The following MICALL1 variants were observed in gnomAD, a reference collection of about 807,000 sequenced individuals.
MICALL1 encodes MICAL like 1.
MICALL1 carries 61 observed loss-of-function variants against 83.7 expected under a neutral mutation model. That is an observed-to-expected ratio of 0.73 (90% CI 0.59 to 0.90). The LOEUF (loss-of-function observed/expected upper bound fraction) is 0.90. MICALL1 is among the 40% of genes least tolerant of loss of function. The pLI is 0.00. For synonymous variants in MICALL1, 481 were observed against 473.6 expected (o/e 1.02, Z -0.20); for missense variants, 1,066 against 1,152.0 (o/e 0.93, Z 1.08).
intron 13 of MICALL1, among the ~76,000 whole-genome samples, chr22:37,936,390 C>T (rs1471792629): frequency 6.6e-6 from 1 of 152,244 alleles, no homozygotes; most frequent in Non-Finnish European, 1.5e-5. Flanking sequence ...CCCTGCCCCA[C>T]TCTGTCCCTC....
At chr22:37,910,316 G>C (rs565341735) in intron 1 of MICALL1, among the ~76,000 whole-genome samples, 1 of 152,240 alleles carries the variant, frequency 6.6e-6, no homozygotes, top group South Asian at 2.1e-4. Context: ...AGAGTAGCTA[G>C]AATGTGACCC....
intron 5 of MICALL1, among the ~76,000 whole-genome samples, chr22:37,919,635 CAAAAAA>C (rs34083064): frequency 1.7e-5 from 1 of 59,706 alleles, no homozygotes. Flanking sequence ...GACTCTGTCT[CAAAAAA>C]AAAAAAAAAA....
At chr22:37,915,217 A>T (rs1263450641) in intron 3 of MICALL1, among the ~76,000 whole-genome samples, 1 of 152,194 alleles carries the variant, frequency 6.6e-6, no homozygotes, top group Non-Finnish European at 1.5e-5. Flanking sequence ...ACGCCAGTGC[A>T]CTGCAGCCTG....
chr22:37,935,729 CTTTTTTT>C (rs558695275), intron 13 of MICALL1, among the ~76,000 whole-genome samples: 1 of 126,338 alleles, frequency 7.9e-6, no homozygotes, highest in Admixed American at 8.0e-5. Context: ...AGGATATTTA[CTTTTTTT>C]TTTTTTTTTT....
chr22:37,910,376 A>G (rs972802212), intron 1 of MICALL1, among the ~76,000 whole-genome samples: 8 of 152,078 alleles, frequency 5.3e-5, no homozygotes, highest in South Asian at 4.1e-4. Context: ...GGCTGAGACA[A>G]GTTGCTTTTG....
intron 1 of MICALL1, among the ~76,000 whole-genome samples, chr22:37,909,905 G>A (rs1020931531): frequency 1.3e-5 from 2 of 152,242 alleles, no homozygotes; most frequent in Non-Finnish European, 2.9e-5. Flanking sequence ...TCCTAAATTG[G>A]TTCAGGCTTC....
chr22:37,920,904 C>T (rs1338830951), intron 5 of MICALL1, among the ~76,000 whole-genome samples: 3 of 151,174 alleles, frequency 2.0e-5, no homozygotes, highest in Non-Finnish European at 2.9e-5. Context: ...CCGGCCTGGG[C>T]GACAGACTGA....
At chr22:37,915,481 C>T (rs1233916447) in intron 3 of MICALL1, among the ~76,000 whole-genome samples, 1 of 152,104 alleles carries the variant, frequency 6.6e-6, no homozygotes, top group Admixed American at 6.6e-5. Flanking sequence ...AATTTTCACT[C>T]TGCCATTTCC....
rs1282417907 is a variant in MICALL1 at position 37,924,923 on chromosome 22, G to T, written c.1082+206G>T. On this transcript the variant is annotated intron_variant, in intron 7 of 15. Transcript: ENST00000215957. The surrounding 1 kb of genome is among the most constrained non-coding windows in gnomAD (Gnocchi z 5.2). ...TGCCTGGCCCCCTCCCCAGGTCCCT[G>T]CTCCTGTGGGCAGTGCCCGGTGCAG... Among the ~76,000 whole-genome samples, 1 of 152,300 alleles carries T rather than the reference G, an allele frequency of 6.6e-6. No homozygotes were observed.
At chr22:37,908,744 G>C (rs752243681) in intron 1 of MICALL1, among the ~76,000 whole-genome samples, 1 of 152,230 alleles carries the variant, frequency 6.6e-6, no homozygotes, top group African/African-American at 2.4e-5. Context: ...TAGGGGAAAC[G>C]TGTATAAACG....
intron 6 of MICALL1, among the ~76,000 whole-genome samples, chr22:37,922,864 C>G (rs1929181976): frequency 6.8e-6 from 1 of 147,512 alleles, no homozygotes; most frequent in Non-Finnish European, 1.5e-5. Flanking sequence ...TGTTGAACTC[C>G]CTACCTCAGG....
At chr22:37,937,935 G>A in intron 15 of MICALL1, 143 bp downstream of exon 15, 1 of 1,030,474 alleles carries the variant, frequency 9.7e-7, no homozygotes. Flanking sequence ...GTTGTGCAGA[G>A]AGGGCTGTGT....
chr22:37,910,426 G>A lies in MICALL1; in HGVS notation c.147-1526G>A, dbSNP rs559533575. ...GGAAAAAGCCTCTGTTGGGGGCTGG[G>A]TACCATGGTGTTTTCCTCGCCCTGT... On this transcript the variant is annotated intron_variant, in intron 1 of 15. Coordinates refer to ENST00000215957, the MANE Select transcript of MICALL1 (RefSeq NM_033386.4). Among the ~76,000 whole-genome samples the A allele has an allele frequency of 2.9e-4, 44 of 152,194 alleles. 1 individual carries two copies. Among genetic ancestry groups the A allele is most frequent in the Middle Eastern group, 6.8e-3 (2 of 294 alleles).
intron 9 of MICALL1, among the ~76,000 whole-genome samples, chr22:37,929,609 C>A (rs975578006): frequency 1.3e-5 from 2 of 152,038 alleles, no homozygotes; most frequent in African/African-American, 4.8e-5. Flanking sequence ...TGGCTGGGCA[C>A]CCATCCAGGC....
At chr22:37,920,899 C>G (rs1025594310) in intron 5 of MICALL1, among the ~76,000 whole-genome samples, 2 of 151,846 alleles carry the variant, frequency 1.3e-5, no homozygotes, top group Non-Finnish European at 2.9e-5. Flanking sequence ...GCACTCCGGC[C>G]TGGGCGACAG....
At chr22:37,929,462 CA>C (rs1308832244) in intron 9 of MICALL1, among the ~76,000 whole-genome samples, 15 of 152,182 alleles carry the variant, frequency 9.9e-5, no homozygotes, top group African/African-American at 3.6e-4. Flanking sequence ...GGACCCAGGA[CA>C]CACAGCTTTC....
At chr22:37,914,288 G>A (rs545854501) in intron 3 of MICALL1, among the ~76,000 whole-genome samples, 20 of 148,922 alleles carry the variant, frequency 1.3e-4, no homozygotes, top group African/African-American at 3.7e-4. Flanking sequence ...GTGCAATGGC[G>A]CGGTCTCAGC....
At chr22:37,929,997 G>A (rs937244946) in intron 9 of MICALL1, among the ~76,000 whole-genome samples, 1 of 152,228 alleles carries the variant, frequency 6.6e-6, no homozygotes, top group African/African-American at 2.4e-5. Context: ...TGGGCCTCGG[G>A]CTCCCACAGA....
Position 37,937,809 on chromosome 22 carries a change from G to A in MICALL1, c.2470+17G>A. On this transcript the variant is annotated intron_variant, in intron 15 of 15. Transcript: ENST00000215957. Reference sequence around the variant, plus strand: ...AGAAGAAAGGTGAGGCCCTTGCTGGGGATGAGGCTGGTGAGCACTTGAACT... The same window carrying A: ...AGAAGAAAGGTGAGGCCCTTGCTGGAGATGAGGCTGGTGAGCACTTGAACT... 1.9e-6 allele frequency: 3 copies of A among 1,613,110 alleles called. No individual in the cohort carries two copies. The highest frequency in any genetic ancestry group is 1.7e-4 in the Middle Eastern group (1 of 6,058).
Sources: gnomAD v4.1 joint callset for allele counts (sites outside exome capture counted in the v4.1 genomes callset) on GRCh38, gnomAD v4.1.1 for gene constraint, Gnocchi (gnomAD v3.1) non-coding constraint, MANE v1.5 for transcripts, NCBI Gene and HGNC (gene_info 2026-07-23, HGNC 2026-07-21) for gene names.